The following HTR2B variants were observed in gnomAD, a reference collection of about 807,000 sequenced individuals.
The protein encoded by HTR2B is 5-HT 2B receptor.
A neutral mutation model predicts 39.8 loss-of-function variants in HTR2B; 31 were observed. That is an observed-to-expected ratio of 0.78 (90% CI 0.58 to 1.05). The LOEUF (loss-of-function observed/expected upper bound fraction) is 1.05. HTR2B is among the 50% of genes least tolerant of loss of function. The pLI is 0.00. For missense variants in HTR2B, 562 were observed against 578.0 expected, an observed-to-expected ratio of 0.97 and a Z score of 0.28; for synonymous variants, 210 against 207.1, an observed-to-expected ratio of 1.01 and a Z score of -0.12.
intron 3 of HTR2B, among the ~76,000 whole-genome samples, chr2:231,112,494 T>TA (rs750613719): frequency 2.3e-4 from 35 of 152,364 alleles, no homozygotes; most frequent in Non-Finnish European, 4.6e-4. Context: ...TATATCATCA[T>TA]TTCAGGAATA....
chr2:231,116,522 A>T (rs764949715), intron 2 of HTR2B, among the ~76,000 whole-genome samples: 1 of 152,002 alleles, frequency 6.6e-6, no homozygotes, highest in Non-Finnish European at 1.5e-5. Flanking sequence ...AGGTTTGGAA[A>T]ATTCTAGTCA....
intron 1 of HTR2B, 86 bp from the exon 2 acceptor site, chr2:231,124,216 A>C (rs931280774): frequency 2.9e-5 from 5 of 172,230 alleles, no homozygotes; most frequent in Admixed American, 2.8e-4. Context: ...TTCCCTTCTT[A>C]GTAAGTCTGT....
Position 231,113,896 on chromosome 2 carries a change from G to A in HTR2B, c.386C>T (p.Pro129Leu). 6.2e-7 allele frequency: 1 copy of A among 1,614,108 alleles called. No individual in the cohort carries two copies. The highest frequency in any genetic ancestry group is 8.5e-7 in the Non-Finnish European group (1 of 1,180,002). ...AMWPLPLVLC[P>L]AWLFLDVLFS... ...GAGAACGTCAAGAAATAACCAGGCAGGACATAGAACAAGTGGGAGGGGCCA... is the reference window on the plus strand; with the variant it reads ...GAGAACGTCAAGAAATAACCAGGCAAGACATAGAACAAGTGGGAGGGGCCA... Residue 129 changes from proline (P) to leucine (L), a missense_variant, in exon 3 of 4, where the codon CCT becomes CTT. Transcript: ENST00000258400.
chr2:231,108,709 C>A lies in HTR2B; in HGVS notation c.1254G>T (p.Arg418=), dbSNP rs771085630. Residue 418 remains arginine (R), a synonymous_variant, in exon 4 of 4, where the codon CGG becomes CGT. Transcript: ENST00000258400. ...ACTTAGAGTTCTCTGCCATTGGATT[C>A]CGGAAGTAGATCTTACTGGAGCGTT... ...LRKRSSKIYF[R]NPMAENSKFF... is the part of the protein sequence containing the mutation. 3 of 1,614,082 alleles carry A rather than the reference C, an allele frequency of 1.9e-6. No homozygotes were observed. The highest frequency in any genetic ancestry group is 2.5e-6 in the Non-Finnish European group (3 of 1,180,004).
rs1189178543 is a variant in HTR2B at position 231,123,595 on chromosome 2, G to C, written c.170C>G (p.Ala57Gly). ...VEEQGNKLHW[A>G]ALLILMVIIP... ...TATCACCATGAGTATCAGAAGAGCT[G>C]CCCAGTGCAGTTTATTTCCCTGTTC... The change falls in exon 2 of 4, where the codon GCA becomes GGA. Residue 57 changes from alanine (A) to glycine (G), a missense_variant. Physicochemically the swap from Ala to Gly is moderately conservative, Grantham distance 60. Coordinates refer to ENST00000258400, the MANE Select transcript of HTR2B (RefSeq NM_000867.5). The C allele has an allele frequency of 3.7e-6, 6 of 1,613,912 alleles. No individual in the cohort carries two copies. Among genetic ancestry groups the C allele is most frequent in the African/African-American group, 1.3e-5 (1 of 74,910 alleles).
chr2:231,109,123 C>T lies in HTR2B; in HGVS notation c.840G>A (p.Lys280=). Residue 280 remains lysine (K), a synonymous_variant, in exon 4 of 4, where the codon AAG becomes AAA. Transcript: ENST00000258400. ...RDETPCSSPE[K]VAMLDGSRKD... is the part of the protein sequence containing the mutation. ...TTCGAGAACCATCCAGCATTGCCAC[C>T]TTTTCCGGTGACGAGCAAGGTGTTT... 1.2e-6 allele frequency: 2 copies of T among 1,614,102 alleles called. No homozygotes were observed. The highest frequency in any genetic ancestry group is 1.7e-6 in the Non-Finnish European group (2 of 1,179,926).
At chr2:231,124,494 C>CT (rs1234105913) in intron 1 of HTR2B, among the ~76,000 whole-genome samples, 1 of 151,654 alleles carries the variant, frequency 6.6e-6, no homozygotes, top group Non-Finnish European at 1.5e-5. Flanking sequence ...GTTTTACCAG[C>CT]TAGGGATCCT....
intron 3 of HTR2B, 104 bp from the exon 4 acceptor site, chr2:231,109,513 A>G: frequency 1.0e-6 from 1 of 996,836 alleles, no homozygotes; most frequent in Non-Finnish European, 1.5e-6. Flanking sequence ...TTGTTGGTGC[A>G]TTATAATTCC....
intron 3 of HTR2B, among the ~76,000 whole-genome samples, chr2:231,111,682 A>G (rs1455225852): frequency 2.6e-5 from 4 of 152,222 alleles, no homozygotes; most frequent in South Asian, 2.1e-4. Context: ...ACAAAGTGCA[A>G]TGAAGTGAAA....
At chr2:231,113,028 G>A (rs1240798868) in intron 3 of HTR2B, among the ~76,000 whole-genome samples, 1 of 152,074 alleles carries the variant, frequency 6.6e-6, no homozygotes, top group Non-Finnish European at 1.5e-5. Context: ...AGCCAGGCAT[G>A]GGGGGTGTGT....
chr2:231,122,412 C>G (rs937561407), intron 2 of HTR2B, among the ~76,000 whole-genome samples: 7 of 152,040 alleles, frequency 4.6e-5, no homozygotes, highest in Admixed American at 3.9e-4. Flanking sequence ...AATTTTACTT[C>G]TGTAACTTAA....
chr2:231,117,873 A>T (rs952542981), intron 2 of HTR2B, among the ~76,000 whole-genome samples: 1 of 152,070 alleles, frequency 6.6e-6, no homozygotes, highest in East Asian at 1.9e-4. Flanking sequence ...CCTAGGGGGG[A>T]AAAAATTCTG....
chr2:231,124,308 T>A (rs1222821931), intron 1 of HTR2B, among the ~76,000 whole-genome samples, 178 bp from the exon 2 acceptor site: 1 of 152,204 alleles, frequency 6.6e-6, no homozygotes, highest in African/African-American at 2.4e-5. Context: ...GAAGACACAT[T>A]AATTTTTTCA....
chr2:231,122,915 C>T (rs944436239), intron 2 of HTR2B, among the ~76,000 whole-genome samples: 14 of 152,110 alleles, frequency 9.2e-5, no homozygotes, highest in African/African-American at 3.1e-4. Context: ...TTATAATATA[C>T]AAACTATTAA....
At chr2:231,124,769 G>A (rs1483404081) in intron 1 of HTR2B, among the ~76,000 whole-genome samples, 1 of 151,902 alleles carries the variant, frequency 6.6e-6, no homozygotes, top group Admixed American at 6.6e-5. Context: ...AGAAGAAAGG[G>A]AAACCAAAAG....
At chr2:231,122,333 G>A (rs971552382) in intron 2 of HTR2B, among the ~76,000 whole-genome samples, 2 of 152,076 alleles carry the variant, frequency 1.3e-5, no homozygotes, top group African/African-American at 4.8e-5. Flanking sequence ...ATTGTAATGT[G>A]TAAAACCTGG....
Position 231,108,912 on chromosome 2 carries a change from C to T in HTR2B, c.1051G>A (p.Asp351Asn). Residue 351 changes from aspartate to asparagine, a missense_variant, in exon 4 of 4, where the codon GAT becomes AAT. Asp to Asn is a conservative substitution (Grantham distance 23). Transcript: ENST00000258400. ...FITNITLVLCDSCNQTTLQML... is the reference protein window; with the variant it reads ...FITNITLVLCNSCNQTTLQML... Reference sequence around the variant, plus strand: ...TGGAGAGTAGTTTGGTTACAGGAATCACATAAAACTAAAGTTATATTTGTA... The same window carrying T: ...TGGAGAGTAGTTTGGTTACAGGAATTACATAAAACTAAAGTTATATTTGTA... 1 of 1,614,080 alleles carries T rather than the reference C, an allele frequency of 6.2e-7. No homozygotes were observed. Among genetic ancestry groups the T allele is most frequent in the South Asian group, 1.1e-5 (1 of 91,074 alleles).
chr2:231,122,885 T>C (rs749406226), intron 2 of HTR2B, among the ~76,000 whole-genome samples: 80 of 152,140 alleles, frequency 5.3e-4, no homozygotes, highest in Non-Finnish European at 9.4e-4. Flanking sequence ...ATGACACATA[T>C]GTAGGAATTG....
At chr2:231,122,301 T>A (rs1264772864) in intron 2 of HTR2B, among the ~76,000 whole-genome samples, 1 of 152,150 alleles carries the variant, frequency 6.6e-6, no homozygotes, top group Non-Finnish European at 1.5e-5. Flanking sequence ...GTTTTAGATA[T>A]CTTTCTGTTA....
Sources: allele counts gnomAD v4.1 joint callset (sites outside exome capture counted in the v4.1 genomes callset), GRCh38; gene constraint gnomAD v4.1.1; transcripts MANE v1.5; gene names NCBI Gene and HGNC (gene_info 2026-07-23, HGNC 2026-07-21).